Variants in VPS39 observed in about 807,000 individuals in gnomAD.
VPS39 encodes vam6/Vps39-like protein.
In VPS39, 70 loss-of-function variants were observed where a neutral mutation model predicts 121.0. That is an observed-to-expected ratio of 0.58 (90% confidence interval 0.48 to 0.71). The LOEUF (loss-of-function observed/expected upper bound fraction) is 0.71, where lower values mean the gene tolerates loss of function less well. VPS39 is among the 30% of genes least tolerant of loss of function. The pLI is 0.00. For missense variants in VPS39, 818 were observed against 1,051.5 expected, an observed-to-expected ratio of 0.78 and a Z score of 3.07; for synonymous variants, 378 against 398.1, an observed-to-expected ratio of 0.95 and a Z score of 0.60.
rs374226631 is a variant in VPS39, at chr15:42,203,809, G to A, written c.74-3848C>T. ...TTGGGTCCTCCACTCTCTAGGACAC[G>A]TTATTTAACAAAGCTGTGCATGCAC... is the stretch of plus-strand genomic sequence containing the variant. On this transcript the variant is annotated intron_variant, in intron 1 of 24. Coordinates refer to ENST00000318006, the MANE Select transcript of VPS39 (RefSeq NM_015289.5). Among the ~76,000 whole-genome samples, 13 of 152,304 alleles carry A rather than the reference G, an allele frequency of 8.5e-5. No homozygotes were observed. In the East Asian group the frequency reaches 1.7e-3, roughly 20 times the overall value.
At chr15:42,169,642 A>C in intron 12 of VPS39, 82 bp downstream of exon 12, 1 of 1,449,786 alleles carries the variant, frequency 6.9e-7, no homozygotes, top group Middle Eastern at 2.5e-4. Context: ...GGCATTAGAG[A>C]AGGCCCTCAA....
At chr15:42,177,963 G>A (rs574916464) in intron 10 of VPS39, among the ~76,000 whole-genome samples, 3 of 152,202 alleles carry the variant, frequency 2.0e-5, no homozygotes, top group Admixed American at 1.3e-4. Flanking sequence ...CACTGCTCCC[G>A]GACTCTCACC....
rs1250012041 is a variant in VPS39 at position 42,184,554 on chromosome 15, T to C, written c.681A>G (p.Lys227=). ...GTATGTCCGTCCAGTTCAGGGCACA[T>C]TTCTGTGTGCAGATCCCTTCCTCAT... The part of the protein sequence containing the change: ...VLNEEGICTQ[K]CALNWTDIPV... Residue 227 remains lysine (K), a synonymous_variant, in exon 8 of 25, where the codon AAA becomes AAG. Transcript: ENST00000318006. The C allele has an allele frequency of 1.2e-6, 2 of 1,613,480 alleles. No individual in the cohort carries two copies. Among genetic ancestry groups the C allele is most frequent in the Admixed American group, 1.7e-5 (1 of 59,870 alleles).
rs550474287 is a variant in VPS39, at chr15:42,174,357, AAC to A, written c.961-507_961-506del. ...GACTGCTAAGTAACTACGCAATTAA[AAC>A]ACAACAGGGTTTCTACAAGATGCCT... On this transcript the variant is annotated intron_variant, in intron 10 of 24. Transcript: ENST00000318006. Among the ~76,000 whole-genome samples, 5 of 152,352 alleles carry A rather than the reference AAC, an allele frequency of 3.3e-5. No individual in the cohort carries two copies. In the East Asian group the frequency reaches 9.6e-4, roughly 29 times the overall value.
chr15:42,199,598 G>A (rs1172739846), intron 2 of VPS39: 2 of 472,580 alleles, frequency 4.2e-6, no homozygotes, highest in East Asian at 6.9e-5. Context: ...TTGGTAGTGA[G>A]TCTCAAAGAA....
chr15:42,189,046 T>C (rs1285138473), intron 5 of VPS39, 68 bp downstream of exon 5: 5 of 1,096,048 alleles, frequency 4.6e-6, no homozygotes, highest in Non-Finnish European at 7.0e-6. Context: ...CATCTAATGG[T>C]AGGAATGATG....
chr15:42,192,042 G>A, intron 2 of VPS39: 1 of 1,536,180 alleles, frequency 6.5e-7, no homozygotes, highest in Non-Finnish European at 8.7e-7. Context: ...CAGAGCTAAA[G>A]CAATTCAATG....
intron 2 of VPS39, 22 bp downstream of exon 2, chr15:42,199,874 T>G (rs779073521): frequency 4.5e-6 from 7 of 1,559,974 alleles, no homozygotes; most frequent in Non-Finnish European, 6.0e-6. Flanking sequence ...CTTATTTTTT[T>G]GCATGAGCAA....
At chr15:42,177,856 A>G (rs554971856) in intron 10 of VPS39, among the ~76,000 whole-genome samples, 1 of 152,210 alleles carries the variant, frequency 6.6e-6, no homozygotes, top group East Asian at 1.9e-4. Context: ...TAGTGGAGAC[A>G]GGGTTTTGTC....
At chr15:42,170,978 C>A (rs1242635255) in intron 11 of VPS39, among the ~76,000 whole-genome samples, 3 of 152,062 alleles carry the variant, frequency 2.0e-5, no homozygotes, top group South Asian at 2.1e-4. Context: ...AAGCAATCCT[C>A]TTCTCTTTGG....
chr15:42,163,508 G>T (rs1232369708), intron 20 of VPS39, 113 bp from the exon 21 acceptor site: 1 of 1,540,350 alleles, frequency 6.5e-7, no homozygotes, highest in African/African-American at 1.4e-5. Context: ...TGCGGGCCAG[G>T]ACGGAGGCGA....
At chr15:42,167,235 A>G (rs1391980782) in intron 13 of VPS39, among the ~76,000 whole-genome samples, 159 bp downstream of exon 13, 1 of 152,210 alleles carries the variant, frequency 6.6e-6, no homozygotes, top group Admixed American at 6.5e-5. Flanking sequence ...TCTTAATTCC[A>G]AGAGACTCAC....
intron 23 of VPS39, 96 bp downstream of exon 23, chr15:42,161,936 T>C (rs2049135584): frequency 6.3e-7 from 1 of 1,597,028 alleles, no homozygotes; most frequent in Non-Finnish European, 8.5e-7. Context: ...TGAGCTGCAC[T>C]GTACAGGCTC....
chr15:42,178,903 A>G (rs977191231), intron 8 of VPS39: 1 of 218,708 alleles, frequency 4.6e-6, no homozygotes, highest in African/African-American at 2.2e-5. Flanking sequence ...GCTACTCAGG[A>G]GGCTGAGGTG....
At chr15:42,188,485 C>T (rs1212386247) in intron 5 of VPS39, among the ~76,000 whole-genome samples, 1 of 152,140 alleles carries the variant, frequency 6.6e-6, no homozygotes, top group Non-Finnish European at 1.5e-5. Context: ...CATTTAATGT[C>T]TTATAATTAT....
Position 42,169,704 on chromosome 15 carries a change from G to T in VPS39, c.1233+20C>A. 6.3e-7 allele frequency: 1 copy of T among 1,595,446 alleles called. No homozygotes were observed. The highest frequency in any genetic ancestry group is 1.1e-5 in the South Asian group (1 of 87,982). ...GAAACTCCCAGGCAAACTCTTTCACGCACTCTGTACTATACCTACCTGTGT... is the reference window on the plus strand; with the variant it reads ...GAAACTCCCAGGCAAACTCTTTCACTCACTCTGTACTATACCTACCTGTGT... On this transcript the variant is annotated intron_variant, in intron 12 of 24. Transcript: ENST00000318006.
intron 2 of VPS39, among the ~76,000 whole-genome samples, chr15:42,195,420 C>T (rs1292576040): frequency 6.6e-6 from 1 of 152,156 alleles, no homozygotes; most frequent in Non-Finnish European, 1.5e-5. Context: ...ACAAAAGATA[C>T]AAAAATGGCT....
intron 2 of VPS39, among the ~76,000 whole-genome samples, chr15:42,198,952 G>T (rs537644845): frequency 1.3e-5 from 2 of 152,284 alleles, no homozygotes. Context: ...TTCTTACCCT[G>T]CTGCAGAAAC....
chr15:42,167,534 G>A lies in VPS39; in HGVS notation c.1237C>T (p.Arg413Ter), dbSNP rs780142865. The A allele has an allele frequency of 2.5e-6, 4 of 1,613,968 alleles. No homozygotes were observed. The highest frequency in any genetic ancestry group is 2.5e-6 in the Non-Finnish European group (3 of 1,179,952). The change falls in exon 13 of 25, where the codon CGA (arginine) becomes TGA (stop). Residue 413 changes from arginine (R) to a stop codon, truncating the protein, a stop_gained. Coordinates refer to ENST00000318006, the MANE Select transcript of VPS39 (RefSeq NM_015289.5). LOFTEE classifies it high-confidence loss of function. ...TTCAGCTTCTTTACCAATTGACTTC[G>A]TTTCTGCAAAGGTCAAAATGTGGGG... ...LALIDYLTQKRSQLVKKLNDS... is the reference protein window; with the variant it reads ...LALIDYLTQK
Sources: allele counts gnomAD v4.1 joint callset (sites outside exome capture counted in the v4.1 genomes callset), GRCh38; gene constraint gnomAD v4.1.1; transcripts MANE v1.5; gene names NCBI Gene and HGNC (gene_info 2026-07-23, HGNC 2026-07-21).